FLVCR2: variants seen among roughly 807,000 people sequenced by gnomAD.
The protein encoded by FLVCR2 is FLVCR choline and putative heme transporter 2, also known as choline/ethanolamine transporter FLVCR2.
Under a neutral mutation model 48.9 loss-of-function variants are expected in FLVCR2, and 38 were observed. That is an observed-to-expected ratio of 0.78 (90% confidence interval 0.60 to 1.02). The LOEUF (loss-of-function observed/expected upper bound fraction) is 1.02, where lower values mean the gene tolerates loss of function less well. Among genes scored for constraint, FLVCR2 ranks in the 50% least tolerant of loss-of-function variants. The probability of loss-of-function intolerance (pLI) is 0.00; values close to 1 mark genes in which losing one functional copy is unlikely to be tolerated. For missense variants in FLVCR2, 664 were observed against 663.3 expected (o/e 1.00, Z -0.01); for synonymous variants, 255 against 257.0 (o/e 0.99, Z 0.07).
intron 1 of FLVCR2, among the ~76,000 whole-genome samples, chr14:75,581,229 AAG>A (rs1387406287): frequency 1.3e-5 from 2 of 152,154 alleles, no homozygotes; most frequent in African/African-American, 2.4e-5. Flanking sequence ...AGGTCTGAAA[AAG>A]AGAAGGAGAA....
chr14:75,584,074 C>T (rs1041755181), intron 1 of FLVCR2, among the ~76,000 whole-genome samples: 30 of 152,204 alleles, frequency 2.0e-4, no homozygotes, highest in African/African-American at 5.3e-4. Flanking sequence ...ACAGATGGCA[C>T]GGCTTAGGAG....
intron 1 of FLVCR2, among the ~76,000 whole-genome samples, chr14:75,588,351 C>T (rs766271729): frequency 6.6e-6 from 1 of 152,076 alleles, no homozygotes. Context: ...TATGACAAAC[C>T]CACCCTCATT....
At chr14:75,623,413 G>C (rs1281316984) in intron 2 of FLVCR2, among the ~76,000 whole-genome samples, 1 of 152,158 alleles carries the variant, frequency 6.6e-6, no homozygotes, top group Non-Finnish European at 1.5e-5. Flanking sequence ...CAGCAAGACA[G>C]AGGTTTTTAT....
At chr14:75,593,769 A>G (rs1009558657) in intron 1 of FLVCR2, among the ~76,000 whole-genome samples, 1 of 152,196 alleles carries the variant, frequency 6.6e-6, no homozygotes. Context: ...TTTTTCTCTC[A>G]TTGTCTTGAT....
intron 2 of FLVCR2, 89 bp downstream of exon 2, chr14:75,622,309 C>A: frequency 1.6e-6 from 2 of 1,245,620 alleles, no homozygotes; most frequent in South Asian, 2.4e-5. Flanking sequence ...TGAACATGCC[C>A]TGAAATACCA....
chr14:75,583,486 C>T (rs1381159328), intron 1 of FLVCR2, among the ~76,000 whole-genome samples: 1 of 151,844 alleles, frequency 6.6e-6, no homozygotes, highest in African/African-American at 2.4e-5. Context: ...TGATCGGTTG[C>T]CAGGGAGAAA....
At chr14:75,595,180 A>G (rs906326354) in intron 1 of FLVCR2, among the ~76,000 whole-genome samples, 3 of 152,260 alleles carry the variant, frequency 2.0e-5, no homozygotes, top group Non-Finnish European at 1.5e-5. Context: ...AGTTGTCAAT[A>G]TAATAAAGTT....
chr14:75,614,219 T>A (rs933092158), intron 1 of FLVCR2, among the ~76,000 whole-genome samples: 18 of 152,248 alleles, frequency 1.2e-4, no homozygotes, highest in Admixed American at 1.2e-3. Flanking sequence ...CCATGCTTTT[T>A]AAAGTATCAA....
Position 75,578,873 on chromosome 14 carries a change from C to A in FLVCR2, c.-100C>A. 9.1e-7 allele frequency: 1 copy of A among 1,098,264 alleles called. No individual in the cohort carries two copies. The allele number at this position is 1,098,264 out of a possible 1,614,324, so 68.0% of individuals were successfully genotyped here. ...TAGTCTCTGTTTCTTCTGGAATAGG[C>A]AAGTGTCCTTTCAACTCTAAGAGAC... On this transcript the variant is annotated 5_prime_UTR_variant, in exon 1 of 10. Transcript: ENST00000238667.
At position 75,634,256 on chromosome 14, in the gene FLVCR2, A is replaced by G. The variant is rs545682228; in HGVS notation, c.1020+560A>G. On this transcript the variant is annotated intron_variant, in intron 4 of 9. Coordinates refer to ENST00000238667, the MANE Select transcript of FLVCR2 (RefSeq NM_017791.3). ...TGCAGAAGGGGTAGACTATATGGCT[A>G]AGTGTCCTAGTTTTGGAGTTCAAAG... Among the ~76,000 whole-genome samples, 4 of 152,246 alleles carry G rather than the reference A, an allele frequency of 2.6e-5. No homozygotes were observed. The East Asian group carries it at 5.8e-4, about 22-fold the overall frequency.
At chr14:75,609,083 G>A (rs1889371138) in intron 1 of FLVCR2, among the ~76,000 whole-genome samples, 2 of 151,590 alleles carry the variant, frequency 1.3e-5, no homozygotes, top group Admixed American at 6.6e-5. Context: ...TTTTTTTTTA[G>A]ACAATGCACC....
At chr14:75,619,336 T>G (rs1293789070) in intron 1 of FLVCR2, among the ~76,000 whole-genome samples, 2 of 152,138 alleles carry the variant, frequency 1.3e-5, no homozygotes, top group East Asian at 3.8e-4. Context: ...CACTAGGGTA[T>G]CCTACCCTCT....
chr14:75,624,487 A>G (rs1269697211), intron 2 of FLVCR2, 125 bp from the exon 3 acceptor site: 1 of 1,119,272 alleles, frequency 8.9e-7, no homozygotes, highest in Non-Finnish European at 1.4e-6. Flanking sequence ...TAATTAAAGA[A>G]TTACTATTTC....
intron 9 of FLVCR2, among the ~76,000 whole-genome samples, chr14:75,645,917 C>CAAA (rs33996926): frequency 3.2e-5 from 3 of 93,900 alleles, no homozygotes; most frequent in African/African-American, 1.3e-4. Context: ...GACTCCATCT[C>CAAA]AAAAAAAAAA....
rs1890127544 is a variant in FLVCR2 at position 75,634,899 on chromosome 14, G to T, written c.1021-11G>T. 2.5e-6 allele frequency: 4 copies of T among 1,592,572 alleles called. No individual in the cohort carries two copies. The highest frequency in any genetic ancestry group is 3.4e-6 in the Non-Finnish European group (4 of 1,160,822). ...ATCGCCGGGTGATCTTTGGGGTTAT[G>T]GTTTCCCCAGGGGGAAGAAGTGAAT... On this transcript the variant is annotated splice_polypyrimidine_tract_variant and intron_variant, in intron 4 of 9. Transcript: ENST00000238667.
intron 1 of FLVCR2, 120 bp downstream of exon 1, chr14:75,579,761 A>G (rs2287018): frequency 0.27 from 300,917 of 1,112,846 alleles, 50,960 homozygotes; most frequent in African/African-American, 0.67. Context: ...GGGTGACAGT[A>G]ACTGGGTGTG....
intron 9 of FLVCR2, among the ~76,000 whole-genome samples, chr14:75,642,304 A>G (rs1243013841): frequency 1.3e-5 from 2 of 152,184 alleles, no homozygotes; most frequent in Admixed American, 1.3e-4. Context: ...CTGTCATGGC[A>G]GTGCTGGCCC....
chr14:75,614,318 GGT>G (rs1441641501), intron 1 of FLVCR2, among the ~76,000 whole-genome samples: 1 of 152,204 alleles, frequency 6.6e-6, no homozygotes, highest in Non-Finnish European at 1.5e-5. Context: ...CAGTGGCAAT[GGT>G]GCTTTCCTGA....
rs751154954 is a variant in FLVCR2 at position 75,597,279 on chromosome 14, CAAA to C, written c.669+17650_669+17652del. On this transcript the variant is annotated intron_variant, in intron 1 of 9. Coordinates refer to ENST00000238667, the MANE Select transcript of FLVCR2 (RefSeq NM_017791.3). ...CTGAGCTATAGAGCAAGACCCATCT[CAAA>C]AAAAAAAAAAAGAAGAAGAAGAAGA... is the stretch of plus-strand genomic sequence containing the variant. 1.2e-3 allele frequency among the ~76,000 whole-genome samples: 132 copies of C among 106,752 alleles called. 5 individuals carry two copies. In the East Asian group the frequency reaches 0.027, roughly 22 times the overall value. 70.0% of individuals were successfully genotyped at this position (106,752 alleles called of 152,430 possible).
Sources: allele counts gnomAD v4.1 joint callset (sites outside exome capture counted in the v4.1 genomes callset), GRCh38; gene constraint gnomAD v4.1.1; transcripts MANE v1.5; gene names NCBI Gene and HGNC (gene_info 2026-07-23, HGNC 2026-07-21).